The following IL3RA variants were observed in gnomAD, a reference collection of about 807,000 sequenced individuals.
IL3RA encodes the protein interleukin 3 receptor subunit alpha.
In IL3RA, 73 loss-of-function variants were observed where a neutral mutation model predicts 52.3. The observed-to-expected ratio is 1.40, with a 90% CI of 1.16 to 1.70. The LOEUF is 1.70. Ranked by LOEUF, IL3RA falls within the 40% of genes most tolerant of loss-of-function variation. The pLI, the probability that IL3RA is intolerant of heterozygous loss-of-function variation, is 0.00. For synonymous variants in IL3RA, 260 were observed against 194.0 expected, an observed-to-expected ratio of 1.34 and a Z score of -2.83; for missense variants, 664 against 504.4, an observed-to-expected ratio of 1.32 and a Z score of -3.03.
chrX:1,356,566 G>A (rs1448211258), intron 7 of IL3RA, among the ~76,000 whole-genome samples: 6 of 152,004 alleles, frequency 3.9e-5, no homozygotes, highest in Admixed American at 2.6e-4. Flanking sequence ...TCAGGAGATC[G>A]AGACCATCCT....
intron 9 of IL3RA, among the ~76,000 whole-genome samples, chrX:1,367,745 CG>C (rs1247263117): frequency 3.9e-5 from 5 of 128,322 alleles, no homozygotes; most frequent in Non-Finnish European, 6.6e-5. Flanking sequence ...GCGGGGTGCG[CG>C]GGGTGAGCGG....
rs190021503 is a variant in IL3RA, at chrX:1,359,229, C to T, written c.759+342C>T. ...AGGTCCACCCATTTGCCCCAGATTCCTTACCCTGGGCCAGGCAGCCCCAGT... is the reference window on the plus strand; with the variant it reads ...AGGTCCACCCATTTGCCCCAGATTCTTTACCCTGGGCCAGGCAGCCCCAGT... On this transcript the variant is annotated intron_variant, in intron 8 of 11. Coordinates refer to ENST00000331035, the MANE Select transcript of IL3RA (RefSeq NM_002183.4). 7.8e-3 allele frequency among the ~76,000 whole-genome samples: 1,181 copies of T among 152,060 alleles called. 20 individuals are homozygous for T. Among genetic ancestry groups the T allele is most frequent in the African/African-American group, 0.026 (1,090 of 41,490 alleles).
At chrX:1,359,592 CTCTG>C (rs1341511631) in intron 8 of IL3RA, among the ~76,000 whole-genome samples, 1 of 147,814 alleles carries the variant, frequency 6.8e-6, no homozygotes, top group African/African-American at 2.5e-5. Context: ...CCCCATCTCT[CTCTG>C]TGTCTCTTTC....
chrX:1,356,151 AAAAAG>A (rs1463677680), intron 6 of IL3RA, 65 bp from the exon 7 acceptor site: 43 of 1,031,228 alleles, frequency 4.2e-5, no homozygotes, highest in Non-Finnish European at 6.2e-5. Flanking sequence ...CTCCAGAAAA[AAAAAG>A]AGAAAAAGAA....
chrX:1,362,769 T>TTTCA (rs1556633983), intron 8 of IL3RA, among the ~76,000 whole-genome samples: 5 of 149,176 alleles, frequency 3.4e-5, no homozygotes, highest in Admixed American at 6.8e-5. Context: ...CGTGTCTCCT[T>TTTCA]TTTATTTATT....
chrX:1,351,900 G>A (rs58783044), intron 4 of IL3RA, among the ~76,000 whole-genome samples, 200 bp from the exon 5 acceptor site: 1,912 of 152,152 alleles, frequency 0.013, 41 homozygotes, highest in African/African-American at 0.044. Flanking sequence ...AAAGTGCTGG[G>A]ATCACAGGCG....
chrX:1,358,111 A>G lies in IL3RA; in HGVS notation c.733-750A>G, dbSNP rs1309417851. Among the ~76,000 whole-genome samples, 6 of 147,468 alleles carry G rather than the reference A, an allele frequency of 4.1e-5. No homozygotes were observed. The East Asian group carries it at 1.2e-3, about 29-fold the overall frequency. ...CAGAGTGAGACTCCGTCTCAGGAGA[A>G]AAAAAAAAAAAGAAAATAAATACAG... is the stretch of plus-strand genomic sequence containing the variant. On this transcript the variant is annotated intron_variant, in intron 7 of 11. Transcript: ENST00000331035.
At chrX:1,380,462 A>AGGAGGGGGGC in intron 10 of IL3RA, among the ~76,000 whole-genome samples, 1 of 1,370 alleles carries the variant, frequency 7.3e-4, no homozygotes, top group Admixed American at 8.1e-3. Flanking sequence ...AGGAGGGGGG[A>AGGAGGGGGGC]AGGGAGGAGG....
At chrX:1,339,014 G>T (rs1489060311) in intron 1 of IL3RA, among the ~76,000 whole-genome samples, 1 of 152,044 alleles carries the variant, frequency 6.6e-6, no homozygotes, top group Non-Finnish European at 1.5e-5. Context: ...GAGTAGTAGA[G>T]ATTTTGTATG....
chrX:1,345,264 C>T lies in IL3RA; in HGVS notation c.65-52C>T, dbSNP rs1323034188. Reference sequence around the variant, plus strand: ...AAAAAAACCATACCCCTTACAATGCCGTTTTAAGATTCTTACGTATCTCTT... The same window carrying T: ...AAAAAAACCATACCCCTTACAATGCTGTTTTAAGATTCTTACGTATCTCTT... On this transcript the variant is annotated intron_variant, in intron 2 of 11. Transcript: ENST00000331035. The T allele has an allele frequency of 2.6e-5, 33 of 1,248,346 alleles. 1 individual carries two copies. Among genetic ancestry groups the T allele is most frequent in the Middle Eastern group, 3.9e-4 (2 of 5,116 alleles). 77.3% of individuals were successfully genotyped at this position (1,248,346 alleles called of 1,614,324 possible).
At chrX:1,338,266 T>C (rs1405848144) in intron 1 of IL3RA, among the ~76,000 whole-genome samples, 3 of 147,274 alleles carry the variant, frequency 2.0e-5, no homozygotes, top group Admixed American at 1.4e-4. Flanking sequence ...TGGAAAAATA[T>C]AATGTCCATC....
At chrX:1,365,103 C>T (rs1381934554) in intron 8 of IL3RA, 35 bp from the exon 9 acceptor site, 1 of 1,515,672 alleles carries the variant, frequency 6.6e-7, no homozygotes, top group South Asian at 1.1e-5. Flanking sequence ...GCCACCATAC[C>T]TGGCCCCTCT....
At chrX:1,380,003 A>T (rs1274374156) in intron 10 of IL3RA, among the ~76,000 whole-genome samples, 3 of 147,158 alleles carry the variant, frequency 2.0e-5, no homozygotes, top group Non-Finnish European at 4.5e-5. Context: ...CATGTGATCC[A>T]CCCGCCTCGG....
chrX:1,340,115 CTTTTTTTTTT>C (rs779128210), intron 1 of IL3RA, among the ~76,000 whole-genome samples: 35 of 127,208 alleles, frequency 2.8e-4, no homozygotes, highest in Non-Finnish European at 1.7e-4. Context: ...CTTTTCTTTT[CTTTTTTTTTT>C]TTTTTTTTGA....
intron 8 of IL3RA, 26 bp from the exon 9 acceptor site, chrX:1,365,112 C>G (rs751863052): frequency 1.0e-5 from 16 of 1,567,346 alleles, no homozygotes; most frequent in Non-Finnish European, 1.4e-5. Flanking sequence ...CCTGGCCCCT[C>G]TTCTTTATTT....
intron 1 of IL3RA, among the ~76,000 whole-genome samples, chrX:1,337,306 C>A (rs1343967860): frequency 2.0e-5 from 3 of 152,196 alleles, no homozygotes; most frequent in Non-Finnish European, 2.9e-5. Context: ...AGCGCTGGTT[C>A]AGTTAGTCAA....
In IL3RA at chrX:1,345,475, TTATTTATG is replaced by T. The variant is rs752676162; in HGVS notation, c.183+57_183+64del. On this transcript the variant is annotated intron_variant, in intron 3 of 11. Coordinates refer to ENST00000331035, the MANE Select transcript of IL3RA (RefSeq NM_002183.4). Reference sequence around the variant, plus strand: ...TATTGTTTTTTTATTTTTATTTTATTTATTTATGTATTTATGTATTTATTTATTTTTTG... The same window carrying T: ...TATTGTTTTTTTATTTTTATTTTATTTATTTATGTATTTATTTATTTTTTG... The T allele has an allele frequency of 4.0e-5, 52 of 1,305,750 alleles. No individual in the cohort carries two copies. The East Asian group carries it at 4.5e-4, about 11-fold the overall frequency. 80.9% of individuals were successfully genotyped at this position (1,305,750 alleles called of 1,614,324 possible).
intron 1 of IL3RA, among the ~76,000 whole-genome samples, chrX:1,338,072 C>A (rs745710528): frequency 1.3e-5 from 2 of 149,560 alleles, no homozygotes; most frequent in Non-Finnish European, 3.0e-5. Context: ...TGAAAAGGAA[C>A]AAGCAGCTTT....
intron 10 of IL3RA, among the ~76,000 whole-genome samples, chrX:1,380,638 A>C (rs1193660634): frequency 2.8e-5 from 1 of 35,456 alleles, no homozygotes. Context: ...AAGGAGGGAG[A>C]GGGGGAGGGG....
Sources: gnomAD v4.1 joint callset for allele counts (sites outside exome capture counted in the v4.1 genomes callset) on GRCh38, gnomAD v4.1.1 for gene constraint, MANE v1.5 for transcripts, NCBI Gene and HGNC (gene_info 2026-07-23, HGNC 2026-07-21) for gene names.